SORL1: variants seen among roughly 807,000 people sequenced by gnomAD.
SORL1 encodes sortilin related receptor 1.
In SORL1, 127 loss-of-function variants were observed where a neutral mutation model predicts 273.7. The ratio of observed to expected loss-of-function variants is 0.46; its 90% CI spans 0.40 to 0.54. The LOEUF is 0.54. Ranked by LOEUF, SORL1 falls within the 20% of genes least tolerant of loss-of-function variation. The pLI is 0.00. For missense variants in SORL1, 2,494 were observed against 2,846.1 expected, an observed-to-expected ratio of 0.88 and a Z score of 2.81; for synonymous variants, 1,031 against 1,067.4, an observed-to-expected ratio of 0.97 and a Z score of 0.66.
rs1360883625 is a variant in SORL1, at chr11:121,629,874, A to G, written c.*311A>G. ...TAATTTCGGTTCAGTAAATTGGCCA[A>G]TCTTTTTATTTTTCTAAGACACAGA... is the stretch of plus-strand genomic sequence containing the variant. On this transcript the variant is annotated 3_prime_UTR_variant, in exon 48 of 48. Coordinates refer to ENST00000260197, the MANE Select transcript of SORL1 (RefSeq NM_003105.6). The G allele has an allele frequency of 9.2e-6, 3 of 326,090 alleles. No homozygotes were observed. Among genetic ancestry groups the G allele is most frequent in the South Asian group, 4.8e-5 (1 of 20,896 alleles). 20.2% of individuals were successfully genotyped at this position (326,090 alleles called of 1,614,324 possible).
intron 31 of SORL1, among the ~76,000 whole-genome samples, chr11:121,591,504 A>G: frequency 6.6e-6 from 1 of 152,146 alleles, no homozygotes; most frequent in East Asian, 1.9e-4. Context: ...TTAATGTGGA[A>G]CTTTTTGTGT....
At chr11:121,577,544 G>A in intron 25 of SORL1, 144 bp downstream of exon 25, 1 of 886,034 alleles carries the variant, frequency 1.1e-6, no homozygotes, top group Non-Finnish European at 1.6e-6. Context: ...TCAAAGAGCT[G>A]GTCTTTGATG....
intron 47 of SORL1, chr11:121,629,218 A>T: frequency 2.2e-6 from 1 of 446,092 alleles, no homozygotes; most frequent in Non-Finnish European, 4.0e-6. Flanking sequence ...AGTAGGTAAT[A>T]AGAGTCTTCT....
rs537633898 is a variant in SORL1, at chr11:121,519,412, C to CT, written c.1212-1232dup. The stretch of plus-strand genomic sequence containing the variant: ...CCTGGGAAACCCATATTCTCTCTCT[C>CT]TTTTTTTTTTTTTGAGACGGAGTCT... On this transcript the variant is annotated intron_variant, in intron 8 of 47. Transcript: ENST00000260197. 8.4e-3 allele frequency among the ~76,000 whole-genome samples: 1,192 copies of CT among 142,182 alleles called. 6 individuals are homozygous for CT. The highest frequency in any genetic ancestry group is 0.026 in the African/African-American group (1,009 of 39,010). 93.3% of individuals were successfully genotyped at this position (142,182 alleles called of 152,430 possible).
intron 32 of SORL1, among the ~76,000 whole-genome samples, chr11:121,602,219 A>G (rs1863403911): frequency 6.6e-6 from 1 of 152,218 alleles, no homozygotes; most frequent in Admixed American, 6.5e-5. Flanking sequence ...AGTATATAAT[A>G]GAATTCTGAA....
intron 3 of SORL1, among the ~76,000 whole-genome samples, chr11:121,480,364 C>T (rs1861353422): frequency 6.6e-6 from 1 of 151,772 alleles, no homozygotes; most frequent in South Asian, 2.1e-4. Flanking sequence ...ATGATAAAAA[C>T]CACAATTTCT....
intron 2 of SORL1, among the ~76,000 whole-genome samples, chr11:121,477,324 A>T (rs145256206): frequency 2.0e-5 from 3 of 152,122 alleles, no homozygotes; most frequent in Non-Finnish European, 2.9e-5. Flanking sequence ...TCTCTTTTGT[A>T]TGGAATGCTG....
intron 27 of SORL1, 58 bp from the exon 28 acceptor site, chr11:121,587,962 A>G (rs1364581198): frequency 6.2e-7 from 1 of 1,600,074 alleles, no homozygotes; most frequent in Non-Finnish European, 8.5e-7. Flanking sequence ...GCCCAGGGCT[A>G]GAGGGCCCAG....
At chr11:121,570,601 T>A (rs1433024963) in intron 23 of SORL1, among the ~76,000 whole-genome samples, 16 of 152,238 alleles carry the variant, frequency 1.1e-4, no homozygotes, top group Admixed American at 1.0e-3. Context: ...GTAATAAAGC[T>A]GGTGACTTGG....
chr11:121,564,234 C>G (rs765804895), intron 21 of SORL1, among the ~76,000 whole-genome samples: 2 of 152,184 alleles, frequency 1.3e-5, no homozygotes, highest in Non-Finnish European at 2.9e-5. Context: ...CCATCTTCTT[C>G]CAGCTTCTCT....
chr11:121,467,148 G>A (rs1302428817), intron 1 of SORL1, among the ~76,000 whole-genome samples: 1 of 150,582 alleles, frequency 6.6e-6, no homozygotes, highest in African/African-American at 2.4e-5. Context: ...TCCTGCCTCA[G>A]CCTGCCGAGT....
rs778094419 is a variant in SORL1 at position 121,618,857 on chromosome 11, G to A, written c.5688G>A (p.Thr1896=). The change falls in exon 42 of 48, where the codon ACG becomes ACA. Residue 1896 remains threonine, a synonymous_variant. Transcript: ENST00000260197. ...TGACTACTTCACTCCACAACAAGAC[G>A]GTCATTGTCAGTAAGGATGAGCAGT... ...KSLTTSLHNK[T]VIVSKDEQYL... 3.3e-5 allele frequency: 53 copies of A among 1,613,942 alleles called. No homozygotes were observed. Among genetic ancestry groups the A allele is most frequent in the East Asian group, 4.5e-5 (2 of 44,894 alleles).
chr11:121,522,652 A>C lies in SORL1; in HGVS notation c.1471A>C (p.Arg491=). The change falls in exon 10 of 48, where the codon AGA becomes CGA. Residue 491 remains arginine (R), a synonymous_variant. Coordinates refer to ENST00000260197, the MANE Select transcript of SORL1 (RefSeq NM_003105.6). ...LSQLLNLQLR[R]MPILSKESAP... is the part of the protein sequence containing the mutation. ...TCAGCTCCTCAACCTCCAGCTCCGG[A>C]GAATGCCCATCCTGTCCAAGGAGTC... is the stretch of plus-strand genomic sequence containing the variant. 1 of 1,614,204 alleles carries C rather than the reference A, an allele frequency of 6.2e-7. No homozygotes were observed. Among genetic ancestry groups the C allele is most frequent in the Non-Finnish European group, 8.5e-7 (1 of 1,180,032 alleles).
chr11:121,583,674 T>C, intron 26 of SORL1, 91 bp downstream of exon 26: 1 of 1,391,760 alleles, frequency 7.2e-7, no homozygotes, highest in Non-Finnish European at 9.7e-7. Flanking sequence ...GATGAAATGC[T>C]GTTCTCCTAT....
At chr11:121,587,964 A>G (rs1591340505) in intron 27 of SORL1, 56 bp from the exon 28 acceptor site, 1 of 1,602,698 alleles carries the variant, frequency 6.2e-7, no homozygotes. Context: ...CCAGGGCTAG[A>G]GGGCCCAGCC....
chr11:121,484,441 A>G (rs550887629), intron 3 of SORL1, among the ~76,000 whole-genome samples: 8 of 152,282 alleles, frequency 5.3e-5, no homozygotes, highest in African/African-American at 1.4e-4. Flanking sequence ...AGGAAGGCAC[A>G]TATTTTGAGA....
rs887926872 is a variant in SORL1, at chr11:121,554,574, A to G, written c.2439+465A>G. ...CCCTGGACAGGCCAGGTGGATAGCC[A>G]TACGCTCACACCCATGCATTTAAAG... is the stretch of plus-strand genomic sequence containing the variant. On this transcript the variant is annotated intron_variant, in intron 17 of 47. Coordinates refer to ENST00000260197, the MANE Select transcript of SORL1 (RefSeq NM_003105.6). This position sits in a 1 kb window ranked among gnomAD's most constrained non-coding sequence, Gnocchi z 4.6. 4.6e-5 allele frequency among the ~76,000 whole-genome samples: 7 copies of G among 152,248 alleles called. No homozygotes were observed. Among genetic ancestry groups the G allele is most frequent in the African/African-American group, 1.2e-4 (5 of 41,462 alleles).
In SORL1 at chr11:121,608,306, C is replaced by T. The variant is rs575783938; in HGVS notation, c.5239+130C>T. The stretch of plus-strand genomic sequence containing the variant: ...TCACACAACTTTCTTCTCCCCAACA[C>T]ACGCACATTTTTGGGTGTCTCTGTA... On this transcript the variant is annotated intron_variant, in intron 38 of 47. Coordinates refer to ENST00000260197, the MANE Select transcript of SORL1 (RefSeq NM_003105.6). 8 of 755,820 alleles carry T rather than the reference C, an allele frequency of 1.1e-5. No individual in the cohort carries two copies. In the South Asian group the frequency reaches 1.4e-4, roughly 13 times the overall value. The allele number at this position is 755,820 out of a possible 1,614,324, so 46.8% of individuals were successfully genotyped here.
In SORL1 at chr11:121,567,676, C is replaced by T. The variant is rs973032951; in HGVS notation, c.3223+563C>T. On this transcript the variant is annotated intron_variant, in intron 22 of 47. Coordinates refer to ENST00000260197, the MANE Select transcript of SORL1 (RefSeq NM_003105.6). ...CAGCAAGAGCAGCCTTACACCCACT[C>T]CCCCTCTGAATTTGAATATAGAGAT... 2.0e-5 allele frequency among the ~76,000 whole-genome samples: 3 copies of T among 152,342 alleles called. No homozygotes were observed. The South Asian group carries it at 6.2e-4, about 32-fold the overall frequency.
Sources: gnomAD v4.1 joint callset for allele counts (sites outside exome capture counted in the v4.1 genomes callset) on GRCh38, gnomAD v4.1.1 for gene constraint, Gnocchi (gnomAD v3.1) non-coding constraint, MANE v1.5 for transcripts, NCBI Gene and HGNC (gene_info 2026-07-23, HGNC 2026-07-21) for gene names.